UGCG: variants seen among roughly 807,000 people sequenced by gnomAD.
UGCG encodes the protein UDP-glucose ceramide glucosyltransferase, also known as ceramide glucosyltransferase.
A neutral mutation model predicts 49.5 loss-of-function variants in UGCG; 10 were observed. The ratio of observed to expected loss-of-function variants is 0.20; its 90% CI spans 0.12 to 0.34. UGCG has a LOEUF of 0.34. Ranked by LOEUF, UGCG falls within the 10% of genes least tolerant of loss-of-function variation. UGCG has a pLI of 1.00. For missense variants in UGCG, 312 were observed against 483.7 expected, an observed-to-expected ratio of 0.65 and a Z score of 3.33; for synonymous variants, 182 against 158.2, an observed-to-expected ratio of 1.15 and a Z score of -1.13.
At chr9:111,917,907 G>T (rs547060826) in intron 2 of UGCG, among the ~76,000 whole-genome samples, 3 of 152,338 alleles carry the variant, frequency 2.0e-5, no homozygotes, top group South Asian at 2.1e-4. Flanking sequence ...TCAATAATCT[G>T]CGTCTAAAGT....
chr9:111,935,292 A>C lies in UGCG; in HGVS notation c.*2295A>C, dbSNP rs1288699704. 1 of 152,196 alleles carries C rather than the reference A, an allele frequency of 6.6e-6. No homozygotes were observed. The highest frequency in any genetic ancestry group is 2.4e-5 in the African/African-American group (1 of 41,452). The allele number at this position is 152,196 out of a possible 1,614,324, so 9.4% of individuals were successfully genotyped here. ...TCTTTAAAAAAAACCAGTGTCTAGA[A>C]TATATACCATGTTTTATTATTTAAA... On this transcript the variant is annotated 3_prime_UTR_variant, in exon 9 of 9. Transcript: ENST00000374279.
At chr9:111,926,110 A>G (rs1162204686) in intron 4 of UGCG, among the ~76,000 whole-genome samples, 3 of 152,206 alleles carry the variant, frequency 2.0e-5, no homozygotes, top group South Asian at 2.1e-4. Context: ...AACAGGGGGT[A>G]ACTTTTTCAA....
intron 3 of UGCG, among the ~76,000 whole-genome samples, chr9:111,924,244 G>A (rs1838278845): frequency 6.6e-6 from 1 of 152,078 alleles, no homozygotes; most frequent in Non-Finnish European, 1.5e-5. Context: ...TATTTTTGGT[G>A]TACAGCACGA....
At chr9:111,906,059 T>C (rs535051261) in intron 1 of UGCG, among the ~76,000 whole-genome samples, 15 of 152,324 alleles carry the variant, frequency 9.8e-5, no homozygotes, top group Middle Eastern at 3.4e-3. Flanking sequence ...TCATTTGGTA[T>C]GCTTGTGAAA....
At chr9:111,899,843 T>G (rs1837735804) in intron 1 of UGCG, among the ~76,000 whole-genome samples, 1 of 152,200 alleles carries the variant, frequency 6.6e-6, no homozygotes, top group African/African-American at 2.4e-5. Context: ...TTGTCCAGAA[T>G]TACTTATCAG....
rs138939005 is a variant in UGCG, at chr9:111,931,083, C to T, written c.738-188C>T. 2.0e-3 allele frequency among the ~76,000 whole-genome samples: 309 copies of T among 152,212 alleles called. 2 individuals are homozygous for T. Among genetic ancestry groups the T allele is most frequent in the African/African-American group, 7.0e-3 (292 of 41,532 alleles). On this transcript the variant is annotated intron_variant, in intron 6 of 8. Transcript: ENST00000374279. ...TTCTAGTTCTTAGATGGTGCTGTCA[C>T]GGGCCAGCATAATTGCTAAAACATC...
At chr9:111,912,185 A>G (rs1042475494) in intron 1 of UGCG, among the ~76,000 whole-genome samples, 1 of 151,642 alleles carries the variant, frequency 6.6e-6, no homozygotes, top group Non-Finnish European at 1.5e-5. Flanking sequence ...TTGTGGTTAT[A>G]TGCGTTTTAG....
At chr9:111,928,910 T>C (rs1324376176) in intron 5 of UGCG, among the ~76,000 whole-genome samples, 3 of 152,064 alleles carry the variant, frequency 2.0e-5, no homozygotes, top group Admixed American at 6.6e-5. Flanking sequence ...ATGAGAGAAT[T>C]TTAGTATCCC....
Position 111,932,315 on chromosome 9 carries a change from C to T in UGCG, c.970C>T (p.Leu324=), listed in dbSNP as rs1189341618. The part of the protein sequence containing the change: ...DIMVFFMCHC[L]AWFIFDYIQL... Reference sequence around the variant, plus strand: ...TATGGTATTTTTCATGTGTCATTGCCTGGCATGGTTTATATTTGACTACAT... The same window carrying T: ...TATGGTATTTTTCATGTGTCATTGCTTGGCATGGTTTATATTTGACTACAT... Residue 324 remains leucine, a synonymous_variant, in exon 8 of 9, where the codon CTG becomes TTG. Transcript: ENST00000374279. The T allele has an allele frequency of 2.5e-6, 4 of 1,613,974 alleles. No individual in the cohort carries two copies. The highest frequency in any genetic ancestry group is 2.2e-5 in the East Asian group (1 of 44,888).
chr9:111,900,118 TA>T (rs1461088371), intron 1 of UGCG, among the ~76,000 whole-genome samples: 2 of 98,534 alleles, frequency 2.0e-5, no homozygotes, highest in Non-Finnish European at 3.8e-5. Context: ...CTTTATGGGT[TA>T]ATTTTTTTTT....
intron 1 of UGCG, among the ~76,000 whole-genome samples, chr9:111,903,652 G>A (rs1434735145): frequency 6.6e-6 from 1 of 152,118 alleles, no homozygotes; most frequent in African/African-American, 2.4e-5. Flanking sequence ...CTGGAGTGCA[G>A]TAGTGCGATC....
At chr9:111,900,962 C>T (rs900184629) in intron 1 of UGCG, among the ~76,000 whole-genome samples, 2 of 152,112 alleles carry the variant, frequency 1.3e-5, no homozygotes, top group South Asian at 2.1e-4. Context: ...TCTCCCACCT[C>T]AGCCTCCCAA....
chr9:111,928,175 C>G (rs967029174), intron 5 of UGCG, among the ~76,000 whole-genome samples: 1 of 152,186 alleles, frequency 6.6e-6, no homozygotes, highest in Admixed American at 6.5e-5. Flanking sequence ...TGGGAACTTG[C>G]ATCTGGCCTT....
intron 1 of UGCG, among the ~76,000 whole-genome samples, chr9:111,912,885 CCTG>C (rs1166592625): frequency 2.0e-5 from 3 of 148,460 alleles, no homozygotes; most frequent in Non-Finnish European, 2.9e-5. Context: ...CCATTGTAAA[CCTG>C]GTGTGTGTGT....
Position 111,917,981 on chromosome 9 carries a change from G to A in UGCG, c.240+3235G>A, listed in dbSNP as rs188656847. On this transcript the variant is annotated intron_variant, in intron 2 of 8. Coordinates refer to ENST00000374279, the MANE Select transcript of UGCG (RefSeq NM_003358.3). ...AAGAATACCTAAATCAACTATCAGA[G>A]TTCTTAACAGTGAACCTGTCATAAC... is the stretch of plus-strand genomic sequence containing the variant. 2.2e-3 allele frequency among the ~76,000 whole-genome samples: 330 copies of A among 152,128 alleles called. 2 individuals are homozygous for A. The highest frequency in any genetic ancestry group is 7.6e-3 in the African/African-American group (316 of 41,510).
chr9:111,897,367 A>C (rs955769290), intron 1 of UGCG, 54 bp downstream of exon 1: 127 of 1,428,946 alleles, frequency 8.9e-5, no homozygotes, highest in Non-Finnish European at 1.2e-4. Flanking sequence ...CCTCGGAGAC[A>C]GGCGAGAATG....
chr9:111,925,178 C>G lies in UGCG; in HGVS notation c.445+300C>G, dbSNP rs116520362. On this transcript the variant is annotated intron_variant, in intron 4 of 8. Transcript: ENST00000374279. ...GCTTTCCCATGGGTGTAACTTTTCC[C>G]TTGTTTGCCTGACACTTATCTTTAA... Among the ~76,000 whole-genome samples the G allele has an allele frequency of 2.1e-3, 317 of 152,226 alleles. 1 individual carries two copies. The highest frequency in any genetic ancestry group is 7.3e-3 in the African/African-American group (303 of 41,544).
At chr9:111,923,918 T>G (rs1838273605) in intron 3 of UGCG, among the ~76,000 whole-genome samples, 1 of 151,798 alleles carries the variant, frequency 6.6e-6, no homozygotes, top group Admixed American at 6.6e-5. Flanking sequence ...GCCTCCCCAG[T>G]AGCTGGGATT....
rs780463948 is a variant in UGCG, at chr9:111,933,112, C to G, written c.*115C>G. ...TTTTATCACATGTATGTTTTGGTAT[C>G]TGTTCTTTAATTTATTTTTGCATGG... is the stretch of plus-strand genomic sequence containing the variant. On this transcript the variant is annotated 3_prime_UTR_variant, in exon 9 of 9. Transcript: ENST00000374279. 82 of 1,026,870 alleles carry G rather than the reference C, an allele frequency of 8.0e-5. No homozygotes were observed. The highest frequency in any genetic ancestry group is 1.0e-4 in the Non-Finnish European group (80 of 800,022). The allele number at this position is 1,026,870 out of a possible 1,614,324, so 63.6% of individuals were successfully genotyped here. A position where few individuals can be genotyped will look rare whatever the true frequency, so the allele number is the denominator to read the frequency against.
Sources: gnomAD v4.1 joint callset for allele counts (sites outside exome capture counted in the v4.1 genomes callset) on GRCh38, gnomAD v4.1.1 for gene constraint, MANE v1.5 for transcripts, NCBI Gene and HGNC (gene_info 2026-07-23, HGNC 2026-07-21) for gene names.